SKI: variants seen among roughly 807,000 people sequenced by gnomAD.
SKI encodes the protein ski oncogene.
A neutral mutation model predicts 59.3 loss-of-function variants in SKI; 23 were observed. That is an observed-to-expected ratio of 0.39 (90% CI 0.28 to 0.55). SKI has a LOEUF of 0.55. Ranked by LOEUF, SKI falls within the 20% of genes least tolerant of loss-of-function variation. The probability of loss-of-function intolerance (pLI) is 0.67; values close to 1 mark genes in which losing one functional copy is unlikely to be tolerated. For synonymous variants in SKI, 673 were observed against 488.6 expected (o/e 1.38, Z -4.98); for missense variants, 1,017 against 1,038.9 (o/e 0.98, Z 0.29).
chr1:2,242,908 T>C (rs1363902631), intron 1 of SKI, among the ~76,000 whole-genome samples: 1 of 152,238 alleles, frequency 6.6e-6, no homozygotes, highest in Non-Finnish European at 1.5e-5. Context: ...GTGTTCTCTG[T>C]GGGAATATTA....
At chr1:2,253,290 G>T (rs1427500290) in intron 1 of SKI, among the ~76,000 whole-genome samples, 3 of 151,962 alleles carry the variant, frequency 2.0e-5, no homozygotes, top group Non-Finnish European at 4.4e-5. Flanking sequence ...GAGCACCCAG[G>T]TTGGTATCAT....
intron 1 of SKI, among the ~76,000 whole-genome samples, chr1:2,274,213 G>C (rs949071647): frequency 2.6e-5 from 4 of 152,132 alleles, no homozygotes; most frequent in Non-Finnish European, 4.4e-5. Context: ...TGCTTTGCCT[G>C]CTTTCCCATG....
chr1:2,241,490 TCACGC>T (rs965781583), intron 1 of SKI, among the ~76,000 whole-genome samples: 1 of 152,172 alleles, frequency 6.6e-6, no homozygotes, highest in African/African-American at 2.4e-5. Context: ...TCTCCCGGGT[TCACGC>T]CATTCTCCTG....
intron 1 of SKI, among the ~76,000 whole-genome samples, chr1:2,276,821 A>G (rs767624400): frequency 6.6e-6 from 1 of 152,142 alleles, no homozygotes; most frequent in Non-Finnish European, 1.5e-5. Flanking sequence ...GCCCGTGCTC[A>G]TAGCTCCGTT....
At chr1:2,285,515 C>A (rs1039718877) in intron 1 of SKI, among the ~76,000 whole-genome samples, 2 of 149,476 alleles carry the variant, frequency 1.3e-5, no homozygotes, top group Admixed American at 6.7e-5. Flanking sequence ...AAGTCTGTCT[C>A]AAAAACAAAC....
chr1:2,291,212 T>C (rs1050609235), intron 1 of SKI, among the ~76,000 whole-genome samples: 2 of 152,258 alleles, frequency 1.3e-5, no homozygotes, highest in Non-Finnish European at 2.9e-5. Context: ...TTCAGTAGCA[T>C]CGGAGGAAAA....
intron 1 of SKI, among the ~76,000 whole-genome samples, chr1:2,238,876 A>G (rs572568230): frequency 6.6e-6 from 1 of 152,280 alleles, no homozygotes; most frequent in South Asian, 2.1e-4. Flanking sequence ...CTTCTGGGTT[A>G]GGGATACCCA....
chr1:2,248,442 C>T (rs927250979), intron 1 of SKI, among the ~76,000 whole-genome samples: 2 of 152,246 alleles, frequency 1.3e-5, no homozygotes, highest in Admixed American at 6.5e-5. Context: ...CAGGGTGGCT[C>T]TCCAGTGGAG....
chr1:2,283,904 G>T (rs914876192), intron 1 of SKI, among the ~76,000 whole-genome samples: 1 of 152,196 alleles, frequency 6.6e-6, no homozygotes, highest in South Asian at 2.1e-4. Flanking sequence ...ACCCGCTGGC[G>T]GGTGGGGGCC....
At chr1:2,236,438 G>T (rs1362337111) in intron 1 of SKI, among the ~76,000 whole-genome samples, 1 of 151,580 alleles carries the variant, frequency 6.6e-6, no homozygotes, top group Non-Finnish European at 1.5e-5. Context: ...ATGGAGTCTT[G>T]CTCTGTTGCC....
intron 1 of SKI, among the ~76,000 whole-genome samples, chr1:2,275,253 G>T (rs1471610887): frequency 6.6e-6 from 1 of 152,222 alleles, no homozygotes; most frequent in African/African-American, 2.4e-5. Flanking sequence ...GCAGTGGCCG[G>T]CCCACGGCTC....
At chr1:2,243,849 C>G (rs1300721394) in intron 1 of SKI, among the ~76,000 whole-genome samples, 1 of 152,172 alleles carries the variant, frequency 6.6e-6, no homozygotes, top group Non-Finnish European at 1.5e-5. Flanking sequence ...TGTATGTTCA[C>G]TCAGCTGGGA....
chr1:2,257,677 C>T (rs1482766939), intron 1 of SKI, among the ~76,000 whole-genome samples: 1 of 152,098 alleles, frequency 6.6e-6, no homozygotes, highest in African/African-American at 2.4e-5. Flanking sequence ...ATTATTATAT[C>T]TTCTTGACAT....
rs923179962 is a variant in SKI at position 2,268,833 on chromosome 1, G to C, written c.970-34145G>C. ...AGAGAGCCCCAGCTGCTGTGCTGCC[G>C]TATTCTGATTCCTTCTTCCCTCCCT... On this transcript the variant is annotated intron_variant, in intron 1 of 6. Transcript: ENST00000378536. This position sits in a 1 kb window ranked among gnomAD's most constrained non-coding sequence, Gnocchi z 5.0. 6.6e-6 allele frequency among the ~76,000 whole-genome samples: 1 copy of C among 152,120 alleles called. No homozygotes were observed. Among genetic ancestry groups the C allele is most frequent in the African/African-American group, 2.4e-5 (1 of 41,418 alleles).
chr1:2,291,000 G>A (rs1410964844), intron 1 of SKI, among the ~76,000 whole-genome samples: 1 of 152,194 alleles, frequency 6.6e-6, no homozygotes, highest in Middle Eastern at 3.2e-3. Flanking sequence ...AGGCAGCCAG[G>A]CGGCCATTAC....
chr1:2,300,624 C>T (rs911647594), intron 1 of SKI, among the ~76,000 whole-genome samples: 6 of 152,208 alleles, frequency 3.9e-5, no homozygotes, highest in African/African-American at 1.2e-4. Context: ...TCACTTCCTC[C>T]GCCCACAGGG....
rs1175326948 is a variant in SKI at position 2,309,511 on chromosome 1, C to T, written c.*2746C>T. The T allele has an allele frequency of 6.6e-6, 1 of 152,072 alleles. No homozygotes were observed. Among genetic ancestry groups the T allele is most frequent in the Non-Finnish European group, 1.5e-5 (1 of 67,986 alleles). The allele number at this position is 152,072 out of a possible 1,614,324, so 9.4% of individuals were successfully genotyped here. ...TACATGTATATGCTGGGTCCTTTTT[C>T]AGAAACTCTTTTCTTACCTGAGAGT... On this transcript the variant is annotated 3_prime_UTR_variant, in exon 7 of 7. Coordinates refer to ENST00000378536, the MANE Select transcript of SKI (RefSeq NM_003036.4).
chr1:2,292,010 T>C (rs1408966037), intron 1 of SKI, among the ~76,000 whole-genome samples: 1 of 152,248 alleles, frequency 6.6e-6, no homozygotes, highest in Non-Finnish European at 1.5e-5. Flanking sequence ...TGTGAAATAT[T>C]AATGGCACTT....
chr1:2,247,199 A>G (rs1030852771), intron 1 of SKI, among the ~76,000 whole-genome samples: 6 of 152,230 alleles, frequency 3.9e-5, no homozygotes, highest in Non-Finnish European at 5.9e-5. Flanking sequence ...AGCCTGGGCA[A>G]CAGAGCAAGA....
Sources: gnomAD v4.1 joint callset for allele counts (sites outside exome capture counted in the v4.1 genomes callset) on GRCh38, gnomAD v4.1.1 for gene constraint, Gnocchi (gnomAD v3.1) non-coding constraint, MANE v1.5 for transcripts, NCBI Gene and HGNC (gene_info 2026-07-23, HGNC 2026-07-21) for gene names.